The following MYH14 variants were observed in gnomAD, a reference collection of about 807,000 sequenced individuals.
MYH14 encodes myosin heavy chain 14.
Under a neutral mutation model 255.5 loss-of-function variants are expected in MYH14, and 123 were observed. The observed-to-expected ratio is 0.48, with a 90% CI of 0.42 to 0.56. The LOEUF is 0.56. MYH14 is among the 20% of genes least tolerant of loss of function. The pLI is 0.00. For missense variants in MYH14, 2,423 were observed against 2,802.3 expected, an observed-to-expected ratio of 0.86 and a Z score of 3.06; for synonymous variants, 1,095 against 1,161.2, an observed-to-expected ratio of 0.94 and a Z score of 1.16.
intron 33 of MYH14, chr19:50,285,563 T>A (rs1401748590): frequency 3.3e-5 from 5 of 152,234 alleles, no homozygotes; most frequent in Non-Finnish European, 7.3e-5. Flanking sequence ...TGTATATTGA[T>A]CTTGTATCCT....
intron 17 of MYH14, 40 bp from the exon 18 acceptor site, chr19:50,257,259 C>T: frequency 6.5e-7 from 1 of 1,540,656 alleles, no homozygotes; most frequent in Non-Finnish European, 8.8e-7. Context: ...AAAACTGACC[C>T]TGACCTCCTT....
chr19:50,237,094 T>G (rs756264457), intron 10 of MYH14, among the ~76,000 whole-genome samples: 2 of 152,238 alleles, frequency 1.3e-5, no homozygotes, highest in Non-Finnish European at 2.9e-5. Flanking sequence ...CATTTTCAAG[T>G]TTCATCCACA....
chr19:50,222,876 A>AGGGACAGCTGCTTTCCCAGGGT, intron 3 of MYH14, among the ~76,000 whole-genome samples: 1 of 152,300 alleles, frequency 6.6e-6, no homozygotes, highest in East Asian at 1.9e-4. Flanking sequence ...AGGCTCAGAG[A>AGGGACAGCTGCTTTCCCAGGGT]GGGACAGCTG....
At chr19:50,268,140 A>G in intron 23 of MYH14, 21 bp from the exon 24 acceptor site, 1 of 1,535,148 alleles carries the variant, frequency 6.5e-7, no homozygotes, top group Non-Finnish European at 8.8e-7. Flanking sequence ...GCTGACCACT[A>G]ACCTCCCACA....
Position 50,280,099 on chromosome 19 carries a change from C to G in MYH14, c.4095C>G (p.Ser1365Arg). 1 of 1,610,154 alleles carries G rather than the reference C, an allele frequency of 6.2e-7. No individual in the cohort carries two copies. Among genetic ancestry groups the G allele is most frequent in the Non-Finnish European group, 8.5e-7 (1 of 1,178,332 alleles). The part of the protein sequence containing the change: ...NEAESKTIRL[S>R]KELSSTEAQL... ...CTGAGTCCAAAACCATCCGTCTTAG[C>G]AAGGAGCTGAGCAGCACAGAAGCCC... is the stretch of plus-strand genomic sequence containing the variant. Residue 1365 changes from serine to arginine, a missense_variant, in exon 31 of 43, where the codon AGC becomes AGG. Ser to Arg is a moderately radical substitution (Grantham distance 110, BLOSUM62 -1). Coordinates refer to ENST00000642316, the MANE Select transcript of MYH14 (RefSeq NM_001145809.2). This position sits in a 1 kb window ranked among gnomAD's most constrained non-coding sequence, Gnocchi z 4.8.
In MYH14 at chr19:50,249,010, G is replaced by A; in HGVS notation, c.1353G>A (p.Leu451=). Residue 451 remains leucine (L), a synonymous_variant, in exon 13 of 43, where the codon CTG becomes CTA. Transcript: ENST00000642316. ...KEQADFALEA[L]AKATYERLFR... is the part of the protein sequence containing the mutation. ...AGGCTGACTTCGCGCTGGAGGCCCT[G>A]GCCAAGGCCACCTACGAGCGCCTCT... 3.7e-6 allele frequency: 6 copies of A among 1,613,680 alleles called. No individual in the cohort carries two copies. Among genetic ancestry groups the A allele is most frequent in the Non-Finnish European group, 5.1e-6 (6 of 1,179,810 alleles).
intron 10 of MYH14, 29 bp downstream of exon 10, chr19:50,232,099 A>G (rs2123238475): frequency 6.2e-7 from 1 of 1,606,816 alleles, no homozygotes; most frequent in African/African-American, 1.3e-5. Context: ...GGCCAGGGGT[A>G]GGGGGGAACC....
intron 19 of MYH14, among the ~76,000 whole-genome samples, chr19:50,259,814 G>A (rs1187448206): frequency 6.6e-6 from 1 of 152,144 alleles, no homozygotes; most frequent in Non-Finnish European, 1.5e-5. Context: ...GAAGGGGGAG[G>A]TTGCAGTGAG....
intron 34 of MYH14, 53 bp downstream of exon 34, chr19:50,286,747 A>G: frequency 3.4e-6 from 5 of 1,450,324 alleles, no homozygotes; most frequent in Non-Finnish European, 4.7e-6. Flanking sequence ...AGACACGTAC[A>G]TGCATGTATG....
chr19:50,280,094 C>A lies in MYH14; in HGVS notation c.4090C>A (p.Leu1364Ile), dbSNP rs1365844675. The A allele has an allele frequency of 7.5e-6, 12 of 1,610,712 alleles. No individual in the cohort carries two copies. The highest frequency in any genetic ancestry group is 1.0e-5 in the Non-Finnish European group (12 of 1,178,588). Residue 1364 changes from leucine (L) to isoleucine (I), a missense_variant, in exon 31 of 43, where the codon CTT becomes ATT. Around this residue, in one of 3 missense-constraint regions of MYH14, gnomAD observed 1,513 missense variants for 1,674.8 expected, o/e 0.90. Transcript: ENST00000642316. This position sits in a 1 kb window ranked among gnomAD's most constrained non-coding sequence, Gnocchi z 4.8. The part of the protein sequence containing the change: ...LNEAESKTIR[L>I]SKELSSTEAQ... ...CGAGGCTGAGTCCAAAACCATCCGT[C>A]TTAGCAAGGAGCTGAGCAGCACAGA...
intron 10 of MYH14, among the ~76,000 whole-genome samples, chr19:50,239,493 G>C (rs1360252789): frequency 6.6e-6 from 1 of 152,114 alleles, no homozygotes; most frequent in Non-Finnish European, 1.5e-5. Flanking sequence ...ACACGTTTTT[G>C]GCGGGAGTAT....
In MYH14 at chr19:50,310,104, T is replaced by C. The variant is rs1601084585; in HGVS notation, c.*314T>C. The C allele has an allele frequency of 4.5e-6, 2 of 446,344 alleles. No homozygotes were observed. The highest frequency in any genetic ancestry group is 5.3e-5 in the South Asian group (2 of 37,968). The allele number at this position is 446,344 out of a possible 1,614,324, so 27.6% of individuals were successfully genotyped here. On this transcript the variant is annotated 3_prime_UTR_variant, in exon 43 of 43. Transcript: ENST00000642316. ...CCTTTCTTCCCTCGTTATTGATCTA[T>C]AGACATTAGGAAGGGAGTGAGACGG...
chr19:50,234,067 G>A (rs1038962510), intron 10 of MYH14, among the ~76,000 whole-genome samples: 5 of 151,608 alleles, frequency 3.3e-5, no homozygotes, highest in African/African-American at 1.2e-4. Flanking sequence ...TGATCCTCCC[G>A]CCTCCGCCTC....
In MYH14 at chr19:50,210,644, G is replaced by C. The variant is rs373676592; in HGVS notation, c.279G>C (p.Arg93=). ...AESGRRLRLP[R]DQIQRMNPPK... ...GCGGGAGGCGGCTGCGACTGCCGCG[G>C]GACCAGATCCAGCGCATGAACCCGC... Residue 93 remains arginine, a synonymous_variant, in exon 2 of 43, where the codon CGG becomes CGC. Coordinates refer to ENST00000642316, the MANE Select transcript of MYH14 (RefSeq NM_001145809.2). 2.5e-6 allele frequency: 4 copies of C among 1,571,490 alleles called. No homozygotes were observed. The African/African-American group carries it at 5.4e-5, about 21-fold the overall frequency.
intron 10 of MYH14, among the ~76,000 whole-genome samples, chr19:50,237,166 T>C (rs1449362568): frequency 1.3e-5 from 2 of 152,150 alleles, no homozygotes; most frequent in Non-Finnish European, 2.9e-5. Context: ...GTTATCTTCT[T>C]ATCATGGAAA....
chr19:50,216,177 T>C (rs2032461358), intron 2 of MYH14, among the ~76,000 whole-genome samples: 3 of 152,170 alleles, frequency 2.0e-5, no homozygotes, highest in Admixed American at 2.0e-4. Flanking sequence ...GTTCTTAAAC[T>C]GTTACAGAGT....
chr19:50,272,819 C>T (rs2035361734), intron 27 of MYH14, 88 bp downstream of exon 27: 16 of 1,352,318 alleles, frequency 1.2e-5, no homozygotes, highest in Non-Finnish European at 1.5e-5. Context: ...CTCCTGGGTA[C>T]AAACCCCAGT....
In MYH14 at chr19:50,276,213, G is replaced by T; in HGVS notation, c.3680+10G>T. The stretch of plus-strand genomic sequence containing the variant: ...CACAGCAGGAGCTCCGGTGAGGCCC[G>T]GTGGCAGGCCGCTGTCACAGCCTGT... On this transcript the variant is annotated intron_variant, in intron 28 of 42. Coordinates refer to ENST00000642316, the MANE Select transcript of MYH14 (RefSeq NM_001145809.2). The surrounding 1 kb of genome is among the most constrained non-coding windows in gnomAD (Gnocchi z 4.3). 5 of 1,525,242 alleles carry T rather than the reference G, an allele frequency of 3.3e-6. No individual in the cohort carries two copies. Among genetic ancestry groups the T allele is most frequent in the Non-Finnish European group, 4.4e-6 (5 of 1,133,864 alleles). 94.5% of individuals were successfully genotyped at this position (1,525,242 alleles called of 1,614,324 possible).
chr19:50,205,643 C>T (rs1290187400), intron 1 of MYH14: 1 of 152,376 alleles, frequency 6.6e-6, no homozygotes, highest in African/African-American at 2.4e-5. Flanking sequence ...ACTCCTGGAT[C>T]TGAGAAGGGG....
Sources: gnomAD v4.1 joint callset for allele counts (sites outside exome capture counted in the v4.1 genomes callset) on GRCh38, gnomAD v4.1.1 for gene constraint, gnomAD v4.1.1 regional missense constraint, Gnocchi (gnomAD v3.1) non-coding constraint, MANE v1.5 for transcripts, NCBI Gene and HGNC (gene_info 2026-07-23, HGNC 2026-07-21) for gene names.